Variants in FGD6 observed in about 807,000 individuals in gnomAD.
FGD6 encodes the protein FYVE, RhoGEF and PH domain containing 6, also known as FYVE, RhoGEF and PH domain-containing protein 6.
In FGD6, 90 loss-of-function variants were observed where a neutral mutation model predicts 149.4. The ratio of observed to expected loss-of-function variants is 0.60; its 90% CI spans 0.51 to 0.72. The LOEUF is 0.72. Ranked by LOEUF, FGD6 falls within the 30% of genes least tolerant of loss-of-function variation. The pLI, the probability that FGD6 is intolerant of heterozygous loss-of-function variation, is 0.00. For missense variants in FGD6, 1,437 were observed against 1,684.8 expected, an observed-to-expected ratio of 0.85 and a Z score of 2.57; for synonymous variants, 527 against 584.0, an observed-to-expected ratio of 0.90 and a Z score of 1.41.
chr12:95,160,905 A>G (rs1880619826), intron 3 of FGD6, among the ~76,000 whole-genome samples: 1 of 151,834 alleles, frequency 6.6e-6, no homozygotes, highest in Non-Finnish European at 1.5e-5. Context: ...ACTTGTGGCC[A>G]GGCATGGTGG....
intron 8 of FGD6, among the ~76,000 whole-genome samples, chr12:95,115,587 CAAT>C (rs1032979442): frequency 1.8e-4 from 27 of 152,136 alleles, no homozygotes; most frequent in African/African-American, 6.5e-4. Flanking sequence ...AGGTAAAAGG[CAAT>C]AAATGCTGAA....
At position 95,078,248 on chromosome 12, in the gene FGD6, G is replaced by A. The variant is rs1877558684; in HGVS notation, c.*3272C>T. ...TAAGTACAGTATCTGCCTTCAAGGAGTGTGTGGTACACTAAGAAAAACAAT... is the reference window on the plus strand; with the variant it reads ...TAAGTACAGTATCTGCCTTCAAGGAATGTGTGGTACACTAAGAAAAACAAT... On this transcript the variant is annotated 3_prime_UTR_variant, in exon 21 of 21. Coordinates refer to ENST00000343958, the MANE Select transcript of FGD6 (RefSeq NM_018351.4). The A allele has an allele frequency of 6.6e-6, 1 of 152,180 alleles. No individual in the cohort carries two copies. Among genetic ancestry groups the A allele is most frequent in the South Asian group, 2.1e-4 (1 of 4,832 alleles). 9.4% of individuals were successfully genotyped at this position (152,180 alleles called of 1,614,324 possible).
intron 2 of FGD6, among the ~76,000 whole-genome samples, chr12:95,195,568 C>T (rs1039084067): frequency 6.7e-6 from 1 of 150,172 alleles, no homozygotes; most frequent in African/African-American, 2.5e-5. Context: ...CCAACTGTGT[C>T]GCTATTTGTG....
At chr12:95,120,226 CAAAAATAAATAAAT>C (rs924399052) in intron 8 of FGD6, among the ~76,000 whole-genome samples, 15 of 151,072 alleles carry the variant, frequency 9.9e-5, no homozygotes, top group African/African-American at 3.2e-4. Flanking sequence ...GAGTCCGTCT[CAAAAATAAATAAAT>C]AAAAATAAAT....
intron 9 of FGD6, among the ~76,000 whole-genome samples, chr12:95,109,303 C>T (rs1878735307): frequency 6.6e-6 from 1 of 152,206 alleles, no homozygotes; most frequent in African/African-American, 2.4e-5. Context: ...AACCCAAGGC[C>T]ATAGTGCTCC....
In FGD6 at chr12:95,210,695, C is replaced by A. The variant is rs752968367; in HGVS notation, c.589G>T (p.Ala197Ser). Reference sequence around the variant, plus strand: ...CTGTCTGTGGGCCTGTGCTTCTGTGCAGAAATAAAAGGTGGCATTTGGTGT... The same window carrying A: ...CTGTCTGTGGGCCTGTGCTTCTGTGAAGAAATAAAAGGTGGCATTTGGTGT... Reference protein sequence around the residue: ...LIHQMPPFISAQKHRPTDSPE... With the variant: ...LIHQMPPFISSQKHRPTDSPE... Residue 197 changes from alanine to serine, a missense_variant, in exon 2 of 21, where the codon GCA (alanine) becomes TCA (serine). By Grantham distance (99) the Ala-to-Ser change is moderately conservative. Around this residue, in one of 2 missense-constraint regions of FGD6, gnomAD observed 1,055 missense variants for 1,146.0 expected, o/e 0.92. Transcript: ENST00000343958. The A allele has an allele frequency of 3.0e-5, 48 of 1,613,698 alleles. No individual in the cohort carries two copies. The highest frequency in any genetic ancestry group is 3.7e-5 in the Non-Finnish European group (44 of 1,179,960).
intron 14 of FGD6, among the ~76,000 whole-genome samples, chr12:95,099,186 T>C (rs1183283512): frequency 6.6e-6 from 1 of 152,190 alleles, no homozygotes; most frequent in Non-Finnish European, 1.5e-5. Flanking sequence ...TTGACCCTTT[T>C]AATTTTTAAT....
chr12:95,201,423 T>C (rs2056661600), intron 2 of FGD6, among the ~76,000 whole-genome samples: 1 of 152,228 alleles, frequency 6.6e-6, no homozygotes, highest in African/African-American at 2.4e-5. Context: ...TTCCTATTAC[T>C]TTCTATCACA....
At chr12:95,149,494 CATAAT>C (rs1880229330) in intron 5 of FGD6, among the ~76,000 whole-genome samples, 2 of 131,158 alleles carry the variant, frequency 1.5e-5, no homozygotes, top group African/African-American at 5.7e-5. Flanking sequence ...ATATATTATA[CATAAT>C]ATATAGTATA....
chr12:95,134,568 A>G (rs1879611943), intron 8 of FGD6, among the ~76,000 whole-genome samples, 171 bp downstream of exon 8: 1 of 152,224 alleles, frequency 6.6e-6, no homozygotes, highest in East Asian at 1.9e-4. Flanking sequence ...AAAGCCGTTC[A>G]GTTCAGGCAA....
At chr12:95,121,753 T>G (rs1397561063) in intron 8 of FGD6, among the ~76,000 whole-genome samples, 1 of 151,978 alleles carries the variant, frequency 6.6e-6, no homozygotes, top group Non-Finnish European at 1.5e-5. Flanking sequence ...CCTCCTGGGT[T>G]CAAGGGATTC....
At chr12:95,169,244 ATT>A (rs138586495) in intron 3 of FGD6, among the ~76,000 whole-genome samples, 22,709 of 152,076 alleles carry the variant, frequency 0.15, 1,761 homozygotes, top group African/African-American at 0.18. Flanking sequence ...TCAACAATTT[ATT>A]GTATATTTTA....
intron 11 of FGD6, among the ~76,000 whole-genome samples, chr12:95,107,932 GT>G (rs557851663): frequency 1.4e-3 from 212 of 152,228 alleles, no homozygotes; most frequent in Non-Finnish European, 2.6e-3. Context: ...ACCGCATTTT[GT>G]AATTTTCCCG....
At chr12:95,131,554 A>C (rs1879520294) in intron 8 of FGD6, among the ~76,000 whole-genome samples, 1 of 152,182 alleles carries the variant, frequency 6.6e-6, no homozygotes, top group Non-Finnish European at 1.5e-5. Context: ...AACTGAAGCA[A>C]TCAGAGATGG....
At position 95,083,014 on chromosome 12, in the gene FGD6, T is replaced by A. The variant is rs868227119; in HGVS notation, c.4257-1458A>T. Among the ~76,000 whole-genome samples, 379 of 48,058 alleles carry A rather than the reference T, an allele frequency of 7.9e-3. 4 individuals carry two copies. The highest frequency in any genetic ancestry group is 0.012 in the African/African-American group (153 of 13,056). The allele number at this position is 48,058 out of a possible 152,430, so 31.5% of individuals were successfully genotyped here. ...AAAAAAAAAAAAAAAAAAAAAAAAA[T>A]ATATATATATATATATACACACACA... is the stretch of plus-strand genomic sequence containing the variant. On this transcript the variant is annotated intron_variant, in intron 20 of 20. Coordinates refer to ENST00000343958, the MANE Select transcript of FGD6 (RefSeq NM_018351.4).
chr12:95,204,005 C>T (rs1170823148), intron 2 of FGD6, among the ~76,000 whole-genome samples: 1 of 152,160 alleles, frequency 6.6e-6, no homozygotes, highest in East Asian at 1.9e-4. Flanking sequence ...GGGTACCCAT[C>T]ACCTGAATAT....
intron 3 of FGD6, among the ~76,000 whole-genome samples, chr12:95,157,928 A>ACCT (rs556031936): frequency 9.8e-4 from 149 of 152,016 alleles, no homozygotes; most frequent in African/African-American, 3.3e-3. Flanking sequence ...GCTCACTGTA[A>ACCT]CCTCCACCTC....
intron 8 of FGD6, among the ~76,000 whole-genome samples, chr12:95,130,087 G>A (rs1451700968): frequency 1.3e-5 from 2 of 152,184 alleles, no homozygotes; most frequent in East Asian, 3.8e-4. Context: ...TAACAAGAAT[G>A]TAGGTGTAAG....
chr12:95,215,657 T>C (rs1369888489), intron 1 of FGD6, among the ~76,000 whole-genome samples: 2 of 152,248 alleles, frequency 1.3e-5, no homozygotes, highest in African/African-American at 4.8e-5. Flanking sequence ...ATTTCTTTAA[T>C]TGTAAAGTTG....
Sources: allele counts gnomAD v4.1 joint callset (sites outside exome capture counted in the v4.1 genomes callset), GRCh38; gene constraint gnomAD v4.1.1; regional missense constraint gnomAD v4.1.1; transcripts MANE v1.5; gene names NCBI Gene and HGNC (gene_info 2026-07-23, HGNC 2026-07-21).